Variants in CCDC181 observed in about 807,000 individuals in gnomAD.
CCDC181 encodes coiled-coil domain-containing protein 181.
Under a neutral mutation model 58.7 loss-of-function variants are expected in CCDC181, and 35 were observed. The ratio of observed to expected loss-of-function variants is 0.60; its 90% CI spans 0.46 to 0.79. CCDC181 has a LOEUF of 0.79. Among genes scored for constraint, CCDC181 ranks in the 30% least tolerant of loss-of-function variants. The pLI, the probability that CCDC181 is intolerant of heterozygous loss-of-function variation, is 0.00. For synonymous variants in CCDC181, 183 were observed against 197.5 expected (o/e 0.93, Z 0.62); for missense variants, 517 against 583.9 (o/e 0.89, Z 1.18).
chr1:169,448,311 C>G (rs1246005416), intron 2 of CCDC181, among the ~76,000 whole-genome samples: 3 of 151,984 alleles, frequency 2.0e-5, no homozygotes, highest in African/African-American at 4.8e-5. Context: ...AGTTTCTGAC[C>G]TATGTCATTT....
intron 4 of CCDC181, among the ~76,000 whole-genome samples, chr1:169,413,158 G>A (rs1454277612): frequency 6.6e-6 from 1 of 151,860 alleles, no homozygotes; most frequent in Non-Finnish European, 1.5e-5. Flanking sequence ...AATCTACAAG[G>A]AACTTAAATT....
chr1:169,421,608 T>C lies in CCDC181; in HGVS notation c.823A>G (p.Lys275Glu). Residue 275 changes from lysine to glutamate, a missense_variant, in exon 3 of 6, where the codon AAG becomes GAG. Coordinates refer to ENST00000367806, the MANE Select transcript of CCDC181 (RefSeq NM_001300969.2). ...GATGAGTGAGTGACAGCATGAATCT[T>C]TGCTGTAGAATCTTCTTTCTTGGTG... ...SGTKKEDSTAKIHAVTHSSTG... is the reference protein window; with the variant it reads ...SGTKKEDSTAEIHAVTHSSTG... 6.2e-7 allele frequency: 1 copy of C among 1,614,122 alleles called. No homozygotes were observed. Among genetic ancestry groups the C allele is most frequent in the East Asian group, 2.2e-5 (1 of 44,876 alleles).
intron 2 of CCDC181, among the ~76,000 whole-genome samples, chr1:169,450,696 G>A (rs191914427): frequency 4.6e-5 from 7 of 152,244 alleles, no homozygotes; most frequent in Middle Eastern, 3.4e-3. Context: ...TGGTTTGTAC[G>A]TAATTTTTAA....
rs373082400 is a variant in CCDC181 at position 169,440,169 on chromosome 1, A to G, written c.-23-15219T>C. On this transcript the variant is annotated intron_variant, in intron 2 of 6. Transcript: ENST00000545005. Reference sequence around the variant, plus strand: ...CGCTATTTCCTTGCCTCCTGTCCATATCAGTTGGGTTGGCAGCACCCCACC... The same window carrying G: ...CGCTATTTCCTTGCCTCCTGTCCATGTCAGTTGGGTTGGCAGCACCCCACC... Among the ~76,000 whole-genome samples the G allele has an allele frequency of 2.2e-4, 33 of 152,274 alleles. No individual in the cohort carries two copies. In the South Asian group the frequency reaches 6.0e-3, roughly 28 times the overall value.
Position 169,448,195 on chromosome 1 carries a change from A to G in CCDC181, c.-24+11602T>C, listed in dbSNP as rs1454312724. ...TATCCATATGCTAGATATTGTTTCT[A>G]TTATTACTTTAAACAGTTTAAAGTT... On this transcript the variant is annotated intron_variant, in intron 2 of 6. Coordinates refer to the CCDC181 transcript ENST00000545005. Among the ~76,000 whole-genome samples the G allele has an allele frequency of 2.6e-5, 4 of 152,284 alleles. No individual in the cohort carries two copies. The East Asian group carries it at 7.7e-4, about 29-fold the overall frequency.
chr1:169,440,639 A>G (rs921848585), intron 2 of CCDC181, among the ~76,000 whole-genome samples: 12 of 152,138 alleles, frequency 7.9e-5, no homozygotes, highest in Admixed American at 7.2e-4. Flanking sequence ...AGATGGGGCC[A>G]GGCACAGTGG....
intron 2 of CCDC181, among the ~76,000 whole-genome samples, chr1:169,446,105 T>A (rs1283393624): frequency 6.6e-6 from 1 of 152,188 alleles, no homozygotes; most frequent in Non-Finnish European, 1.5e-5. Context: ...CGTTGATTTC[T>A]CCTCTAATTT....
intron 3 of CCDC181, among the ~76,000 whole-genome samples, chr1:169,421,049 C>A (rs187210565): frequency 2.0e-5 from 3 of 152,246 alleles, no homozygotes; most frequent in Admixed American, 6.5e-5. Flanking sequence ...CCTATCATAT[C>A]AAGATTACTT....
intron 1 of CCDC181, among the ~76,000 whole-genome samples, chr1:169,425,813 A>G (rs777723881): frequency 3.9e-5 from 6 of 152,158 alleles, no homozygotes; most frequent in Non-Finnish European, 8.8e-5. Flanking sequence ...CATAAATATT[A>G]TAAGAATATT....
chr1:169,395,287 A>G, intron 5 of CCDC181, 81 bp from the exon 6 acceptor site: 1 of 1,208,652 alleles, frequency 8.3e-7, no homozygotes, highest in Non-Finnish European at 1.1e-6. Flanking sequence ...ATTATAGACA[A>G]AATAAATGGA....
chr1:169,439,542 G>C (rs979837833), intron 2 of CCDC181, among the ~76,000 whole-genome samples: 1 of 152,148 alleles, frequency 6.6e-6, no homozygotes, highest in African/African-American at 2.4e-5. Flanking sequence ...GCAGGTGCAG[G>C]AGCCAGGGCG....
At chr1:169,428,904 C>T (rs1488546176), upstream of CCDC181, among the ~76,000 whole-genome samples, 1 of 152,178 alleles carries the variant, frequency 6.6e-6, no homozygotes, top group Non-Finnish European at 1.5e-5. Context: ...GTCTGCCCAC[C>T]TGGGCCTCTT....
At chr1:169,419,356 G>T (rs1456219030) in intron 3 of CCDC181, among the ~76,000 whole-genome samples, 197 bp from the exon 4 acceptor site, 1 of 152,174 alleles carries the variant, frequency 6.6e-6, no homozygotes, top group Admixed American at 6.5e-5. Flanking sequence ...GAGGCAGGCA[G>T]ATCACTTGAG....
At chr1:169,396,149 A>G (rs1353947481) in intron 5 of CCDC181, 1 of 152,224 alleles carries the variant, frequency 6.6e-6, no homozygotes, top group African/African-American at 2.4e-5. Context: ...GACAGTATGC[A>G]TACTGGTGTT....
chr1:169,423,561 G>A (rs545409389), intron 2 of CCDC181, among the ~76,000 whole-genome samples: 1 of 152,064 alleles, frequency 6.6e-6, no homozygotes, highest in Admixed American at 6.6e-5. Context: ...TCATCCGCTG[G>A]AATGTGTAAG....
intron 2 of CCDC181, among the ~76,000 whole-genome samples, chr1:169,445,924 C>G (rs1657361104): frequency 2.0e-5 from 3 of 152,060 alleles, no homozygotes. Context: ...CTAAAACATT[C>G]ATGGGATCAA....
In CCDC181 at chr1:169,421,557, C is replaced by T. The variant is rs775430039; in HGVS notation, c.874G>A (p.Ala292Thr). Residue 292 changes from alanine to threonine, a missense_variant, in exon 3 of 6, where the codon GCT becomes ACT. By Grantham distance (58) the Ala-to-Thr change is moderately conservative. Transcript: ENST00000367806. ...GTCTTGCGGTTGAGTGGTGGCTGAG[C>T]GATATAAGCCAGCGGCTCTCCTGTT... ...SSTGEPLAYI[A>T]QPPLNRKTCP... The T allele has an allele frequency of 4.4e-5, 71 of 1,613,924 alleles. No individual in the cohort carries two copies. The highest frequency in any genetic ancestry group is 5.6e-5 in the Non-Finnish European group (66 of 1,180,000).
intron 2 of CCDC181, among the ~76,000 whole-genome samples, chr1:169,458,429 G>A (rs1030067649): frequency 1.3e-5 from 2 of 151,918 alleles, no homozygotes; most frequent in Non-Finnish European, 1.5e-5. Context: ...ATGTTTACCA[G>A]TTTCTTATAA....
intron 2 of CCDC181, among the ~76,000 whole-genome samples, chr1:169,449,434 G>C (rs1657471185): frequency 6.6e-6 from 1 of 152,190 alleles, no homozygotes; most frequent in African/African-American, 2.4e-5. Flanking sequence ...AGGACTAATA[G>C]GATAGATGTA....
Sources: gnomAD v4.1 joint callset for allele counts (sites outside exome capture counted in the v4.1 genomes callset) on GRCh38, gnomAD v4.1.1 for gene constraint, MANE v1.5 for transcripts, NCBI Gene and HGNC (gene_info 2026-07-23, HGNC 2026-07-21) for gene names.